TENT5C: variants seen among roughly 807,000 people sequenced by gnomAD.
The protein encoded by TENT5C is family with sequence similarity 46 member C.
A neutral mutation model predicts 22.2 loss-of-function variants in TENT5C; 5 were observed. The ratio of observed to expected loss-of-function variants is 0.22; its 90% confidence interval spans 0.12 to 0.47. The LOEUF is 0.47. TENT5C is among the 20% of genes least tolerant of loss of function. The pLI, the probability that TENT5C is intolerant of heterozygous loss-of-function variation, is 0.99. For missense variants in TENT5C, 364 were observed against 500.9 expected, an observed-to-expected ratio of 0.73 and a Z score of 2.61; for synonymous variants, 199 against 195.4, an observed-to-expected ratio of 1.02 and a Z score of -0.15.
rs1207069458 is a variant in TENT5C, at chr1:117,626,862, C to T, written c.*2818C>T. The T allele has an allele frequency of 1.2e-5, 3 of 248,042 alleles. No homozygotes were observed. The highest frequency in any genetic ancestry group is 6.6e-5 in the African/African-American group (3 of 45,336). 15.4% of individuals were successfully genotyped at this position (248,042 alleles called of 1,614,324 possible). A position where few individuals can be genotyped will look rare whatever the true frequency, so the allele number is the denominator to read the frequency against. On this transcript the variant is annotated 3_prime_UTR_variant, in exon 2 of 2. Transcript: ENST00000369448. ...TTTCGGCATGTCTGCAGCCTGTTCT[C>T]CTAGCCTGCTGCTTGGAGTCAGGTT...
chr1:117,609,983 A>G (rs1314915437), intron 1 of TENT5C, among the ~76,000 whole-genome samples: 1 of 152,142 alleles, frequency 6.6e-6, no homozygotes, highest in Non-Finnish European at 1.5e-5. Flanking sequence ...AAACTCCTCA[A>G]GCTGAGCTCC....
At chr1:117,616,553 G>A (rs1381075626) in intron 1 of TENT5C, among the ~76,000 whole-genome samples, 1 of 152,190 alleles carries the variant, frequency 6.6e-6, no homozygotes, top group East Asian at 1.9e-4. Flanking sequence ...AGGAGCCAGG[G>A]CCCACAGGTG....
intron 1 of TENT5C, among the ~76,000 whole-genome samples, chr1:117,611,087 C>T (rs1219849866): frequency 6.6e-6 from 1 of 152,230 alleles, no homozygotes; most frequent in Admixed American, 6.5e-5. Context: ...TCCCCAAACA[C>T]ACTCTGTCCA....
chr1:117,606,544 T>G (rs1286053471), intron 1 of TENT5C, among the ~76,000 whole-genome samples: 4 of 152,178 alleles, frequency 2.6e-5, no homozygotes, highest in Non-Finnish European at 5.9e-5. Flanking sequence ...CGCTCCTACC[T>G]GGATCAGACG....
intron 1 of TENT5C, among the ~76,000 whole-genome samples, chr1:117,620,242 CTT>C (rs1653863983): frequency 6.6e-6 from 1 of 152,182 alleles, no homozygotes; most frequent in Admixed American, 6.5e-5. Context: ...TTAAAAAAGA[CTT>C]GAGTCAGAAT....
Position 117,623,950 on chromosome 1 carries a change from C to T in TENT5C, c.1082C>T (p.Pro361Leu), listed in dbSNP as rs1354785362. ...GTCACCTGTTACTACCAGCCGGCCC[C>T]TTACGTCAGTGATGGCAACTTCAGC... ...TNVTCYYQPAPYVSDGNFSNY... is the reference protein window; with the variant it reads ...TNVTCYYQPALYVSDGNFSNY... The change falls in exon 2 of 2, where the codon CCT becomes CTT. Residue 361 changes from proline to leucine, a missense_variant. Coordinates refer to ENST00000369448, the MANE Select transcript of TENT5C (RefSeq NM_017709.4). 5 of 1,613,996 alleles carry T rather than the reference C, an allele frequency of 3.1e-6. No homozygotes were observed. The highest frequency in any genetic ancestry group is 4.2e-6 in the Non-Finnish European group (5 of 1,180,028).
chr1:117,618,657 G>C (rs1775827), intron 1 of TENT5C, among the ~76,000 whole-genome samples: 2 of 152,088 alleles, frequency 1.3e-5, no homozygotes, highest in African/African-American at 2.4e-5. Flanking sequence ...TGAATAGAAG[G>C]CTCCTAAGGG....
At chr1:117,619,619 T>TA (rs1653853421) in intron 1 of TENT5C, among the ~76,000 whole-genome samples, 2 of 152,222 alleles carry the variant, frequency 1.3e-5, no homozygotes, top group African/African-American at 4.8e-5. Flanking sequence ...TGTATAAGTA[T>TA]ATATAAATGC....
rs1433866947 is a variant in TENT5C at position 117,625,617 on chromosome 1, T to C, written c.*1573T>C. On this transcript the variant is annotated 3_prime_UTR_variant, in exon 2 of 2. Coordinates refer to ENST00000369448, the MANE Select transcript of TENT5C (RefSeq NM_017709.4). Reference sequence around the variant, plus strand: ...ATCAAATTCATGCTCCTGATCTTTTTTTTCCCCCTTCCTTTGGCTATGAAA... The same window carrying C: ...ATCAAATTCATGCTCCTGATCTTTTCTTTCCCCCTTCCTTTGGCTATGAAA... The C allele has an allele frequency of 2.4e-5, 6 of 248,010 alleles. No homozygotes were observed. Among genetic ancestry groups the C allele is most frequent in the Non-Finnish European group, 1.7e-5 (2 of 118,140 alleles). 15.4% of individuals were successfully genotyped at this position (248,010 alleles called of 1,614,324 possible). A position where few individuals can be genotyped will look rare whatever the true frequency, so the allele number is the denominator to read the frequency against.
Position 117,626,207 on chromosome 1 carries a change from G to C in TENT5C, c.*2163G>C, listed in dbSNP as rs2101081926. The C allele has an allele frequency of 4.0e-6, 1 of 247,886 alleles. No individual in the cohort carries two copies. The allele number at this position is 247,886 out of a possible 1,614,324, so 15.4% of individuals were successfully genotyped here. A position where few individuals can be genotyped will look rare whatever the true frequency, so the allele number is the denominator to read the frequency against. ...TCTACTTAGAAGGCTTGGGGCCCAGGGTAATGAGGCACCAGATGAAGATAA... is the reference window on the plus strand; with the variant it reads ...TCTACTTAGAAGGCTTGGGGCCCAGCGTAATGAGGCACCAGATGAAGATAA... On this transcript the variant is annotated 3_prime_UTR_variant, in exon 2 of 2. Coordinates refer to ENST00000369448, the MANE Select transcript of TENT5C (RefSeq NM_017709.4).
chr1:117,614,922 A>G (rs1388069826), intron 1 of TENT5C, among the ~76,000 whole-genome samples: 1 of 152,132 alleles, frequency 6.6e-6, no homozygotes, highest in Admixed American at 6.5e-5. Context: ...CGTAGCAAGC[A>G]TCTTGGAGCT....
intron 1 of TENT5C, among the ~76,000 whole-genome samples, chr1:117,616,163 C>T (rs1367535177): frequency 6.6e-6 from 1 of 152,136 alleles, no homozygotes; most frequent in Non-Finnish European, 1.5e-5. Context: ...CTTTTCTGAA[C>T]CTTATTACTT....
chr1:117,606,683 G>C (rs1021215941), intron 1 of TENT5C, among the ~76,000 whole-genome samples: 1 of 152,190 alleles, frequency 6.6e-6, no homozygotes, highest in African/African-American at 2.4e-5. Context: ...TTCACTAGGC[G>C]CAGCTGGAGA....
rs1467174089 is a variant in TENT5C at position 117,626,036 on chromosome 1, T to C, written c.*1992T>C. The C allele has an allele frequency of 8.1e-6, 2 of 247,964 alleles. No individual in the cohort carries two copies. Among genetic ancestry groups the C allele is most frequent in the Non-Finnish European group, 1.7e-5 (2 of 118,082 alleles). 15.4% of individuals were successfully genotyped at this position (247,964 alleles called of 1,614,324 possible). On this transcript the variant is annotated 3_prime_UTR_variant, in exon 2 of 2. Transcript: ENST00000369448. ...GAAGAGTGATCCCAACTTTGGAAAC[T>C]ATCTGGTCATTCATGACCTTAAAAA...
chr1:117,615,705 C>T (rs1001288425), intron 1 of TENT5C, among the ~76,000 whole-genome samples: 6 of 152,184 alleles, frequency 3.9e-5, no homozygotes, highest in South Asian at 2.1e-4. Flanking sequence ...TGTGCTCCCC[C>T]GCTGATAAGT....
chr1:117,626,525 TG>T lies in TENT5C; in HGVS notation c.*2484del. The stretch of plus-strand genomic sequence containing the variant: ...AGCTGTACTTTTAAAACACAACCCC[TG>T]GGCTAGTGATGTCTCTACTTGCTCT... On this transcript the variant is annotated 3_prime_UTR_variant, in exon 2 of 2. Coordinates refer to ENST00000369448, the MANE Select transcript of TENT5C (RefSeq NM_017709.4). The T allele has an allele frequency of 4.0e-6, 1 of 248,028 alleles. No homozygotes were observed. The highest frequency in any genetic ancestry group is 8.5e-6 in the Non-Finnish European group (1 of 118,026). 15.4% of individuals were successfully genotyped at this position (248,028 alleles called of 1,614,324 possible).
At chr1:117,622,350 TG>T (rs1653912129) in intron 1 of TENT5C, among the ~76,000 whole-genome samples, 1 of 140,960 alleles carries the variant, frequency 7.1e-6, no homozygotes, top group Non-Finnish European at 1.5e-5. Context: ...TGTGTGTGTG[TG>T]TCTGTGTCTG....
At chr1:117,618,004 T>C (rs1369021037) in intron 1 of TENT5C, among the ~76,000 whole-genome samples, 1 of 152,246 alleles carries the variant, frequency 6.6e-6, no homozygotes, top group Non-Finnish European at 1.5e-5. Flanking sequence ...TGAACTCAGC[T>C]TAAATTTGTG....
At chr1:117,618,567 G>A (rs1416650005) in intron 1 of TENT5C, among the ~76,000 whole-genome samples, 1 of 152,052 alleles carries the variant, frequency 6.6e-6, no homozygotes, top group East Asian at 1.9e-4. Flanking sequence ...TCACATGGAT[G>A]TGGGAATGCA....
Sources: allele counts gnomAD v4.1 joint callset (sites outside exome capture counted in the v4.1 genomes callset), GRCh38; gene constraint gnomAD v4.1.1; transcripts MANE v1.5; gene names NCBI Gene and HGNC (gene_info 2026-07-23, HGNC 2026-07-21).